CAPN7: variants seen among roughly 807,000 people sequenced by gnomAD.
CAPN7 encodes calpain 7, also known as calpain-7.
In CAPN7, 72 loss-of-function variants were observed where a neutral mutation model predicts 115.2. That is an observed-to-expected ratio of 0.63 (90% CI 0.52 to 0.76). The LOEUF is 0.76. Ranked by LOEUF, CAPN7 falls within the 30% of genes least tolerant of loss-of-function variation. The pLI is 0.00. For synonymous variants in CAPN7, 344 were observed against 322.3 expected (o/e 1.07, Z -0.72); for missense variants, 905 against 971.5 (o/e 0.93, Z 0.91).
At chr3:15,215,010 A>G (rs1007169085) in intron 2 of CAPN7, among the ~76,000 whole-genome samples, 4 of 152,272 alleles carry the variant, frequency 2.6e-5, no homozygotes, top group Non-Finnish European at 5.9e-5. Flanking sequence ...CAAAATGTCA[A>G]TAATGCCAGG....
rs905700021 is a variant in CAPN7, at chr3:15,248,045, G to A, written c.2204+588G>A. On this transcript the variant is annotated intron_variant, in intron 19 of 20. Coordinates refer to ENST00000253693, the MANE Select transcript of CAPN7 (RefSeq NM_014296.3). ...TGTTGTGGGGTGAGGGGAGGGGAGA[G>A]GGATAGCACTGGGAGATATACCTAA... Among the ~76,000 whole-genome samples the A allele has an allele frequency of 7.9e-5, 12 of 151,928 alleles. No homozygotes were observed. The East Asian group carries it at 1.3e-3, about 17-fold the overall frequency.
At position 15,212,139 on chromosome 3, in the gene CAPN7, A is replaced by C; in HGVS notation, c.138A>C (p.Ala46=). 6.2e-7 allele frequency: 1 copy of C among 1,611,112 alleles called. No homozygotes were observed. Among genetic ancestry groups the C allele is most frequent in the South Asian group, 1.1e-5 (1 of 90,606 alleles). ...AAQALIYAEM[A]GSSLENIQEK... ...AAGCCTTAATTTATGCTGAGATGGC[A>C]GGATCAAGCCTAGAAAATATTCAAG... The change falls in exon 2 of 21, where the codon GCA becomes GCC. Residue 46 remains alanine, a synonymous_variant. Transcript: ENST00000253693.
chr3:15,220,206 A>T (rs894403988), intron 4 of CAPN7, among the ~76,000 whole-genome samples: 8 of 152,136 alleles, frequency 5.3e-5, no homozygotes, highest in Middle Eastern at 3.2e-3. Context: ...TCTCAAAAAA[A>T]AAAATAAAAA....
Position 15,227,109 on chromosome 3 carries a change from T to TAA in CAPN7, c.726-713_726-712dup, listed in dbSNP as rs61571165. 4.5e-3 allele frequency among the ~76,000 whole-genome samples: 581 copies of TAA among 128,292 alleles called. 3 individuals carry two copies. Among genetic ancestry groups the TAA allele is most frequent in the African/African-American group, 0.015 (534 of 35,684 alleles). 84.2% of individuals were successfully genotyped at this position (128,292 alleles called of 152,430 possible). ...GGCAACATATGGAGACCTCAACTGT[T>TAA]AAAAAAAAAAAAAAAAAAGTTTAGG... On this transcript the variant is annotated intron_variant, in intron 6 of 20. Transcript: ENST00000253693.
intron 12 of CAPN7, among the ~76,000 whole-genome samples, chr3:15,236,805 A>G (rs1036694663): frequency 6.6e-6 from 1 of 152,210 alleles, no homozygotes; most frequent in Non-Finnish European, 1.5e-5. Context: ...ACAGTATAAA[A>G]GATTTTGTTA....
At position 15,217,571 on chromosome 3, in the gene CAPN7, T is replaced by G; in HGVS notation, c.358T>G (p.Cys120Gly). ...IELYTEAVDL[C>G]LKTSYETADK... Reference sequence around the variant, plus strand: ...ATTGTACACAGAAGCTGTGGATCTCTGTCTGAAAACAGTGTGTATAGCTAC... The same window carrying G: ...ATTGTACACAGAAGCTGTGGATCTCGGTCTGAAAACAGTGTGTATAGCTAC... The change falls in exon 3 of 21, where the codon TGT becomes GGT. Residue 120 changes from cysteine (C) to glycine (G), a missense_variant. By Grantham distance (159) the Cys-to-Gly change is radical. Around this residue, in one of 3 missense-constraint regions of CAPN7, gnomAD observed 271 missense variants for 239.6 expected, o/e 1.13. Coordinates refer to ENST00000253693, the MANE Select transcript of CAPN7 (RefSeq NM_014296.3). 6.2e-7 allele frequency: 1 copy of G among 1,612,318 alleles called. No homozygotes were observed. The highest frequency in any genetic ancestry group is 1.1e-5 in the South Asian group (1 of 90,724).
At chr3:15,218,605 T>C (rs983230537) in intron 4 of CAPN7, 65 bp downstream of exon 4, 3 of 1,155,602 alleles carry the variant, frequency 2.6e-6, no homozygotes, top group Admixed American at 1.9e-5. Flanking sequence ...CAAATTTATC[T>C]AAATGTGTTG....
intron 1 of CAPN7, among the ~76,000 whole-genome samples, chr3:15,211,216 T>C (rs929968685): frequency 6.6e-6 from 1 of 152,234 alleles, no homozygotes; most frequent in African/African-American, 2.4e-5. Context: ...CTGTAATCTT[T>C]TCTTGATAAT....
In CAPN7 at chr3:15,217,465, G is replaced by A. The variant is rs1044927204; in HGVS notation, c.252G>A (p.Gln84=). Residue 84 remains glutamine (Q), a synonymous_variant, in exon 3 of 21, where the codon CAG becomes CAA. Coordinates refer to ENST00000253693, the MANE Select transcript of CAPN7 (RefSeq NM_014296.3). ...KSADPLKSKH[Q]LDLERAHFLV... ...CTGATCCTTTGAAGTCAAAACATCA[G>A]TTGGACTTAGAGCGTGCTCATTTCC... 6.8e-6 allele frequency: 11 copies of A among 1,613,436 alleles called. No homozygotes were observed. Among genetic ancestry groups the A allele is most frequent in the Admixed American group, 1.7e-5 (1 of 59,956 alleles).
intron 6 of CAPN7, 144 bp from the exon 7 acceptor site, chr3:15,227,695 A>G (rs904104704): frequency 7.3e-6 from 3 of 409,814 alleles, no homozygotes; most frequent in Admixed American, 4.5e-5. Flanking sequence ...ATAAAGAGCC[A>G]GATTTGACCA....
In CAPN7 at chr3:15,250,993, G is replaced by A. The variant is rs1472762517; in HGVS notation, c.2267G>A (p.Gly756Asp). The A allele has an allele frequency of 6.2e-7, 1 of 1,613,290 alleles. No individual in the cohort carries two copies. Among genetic ancestry groups the A allele is most frequent in the East Asian group, 2.2e-5 (1 of 44,844 alleles). ...ACTCTAGGAGATCCTGGTCCCCATG[G>A]CTTTCTGAGGAAATCTAGTGGTGAC... is the stretch of plus-strand genomic sequence containing the variant. ...VSTLGDPGPH[G>D]FLRKSSGDYR... The change falls in exon 20 of 21, where the codon GGC becomes GAC. Residue 756 changes from glycine (G) to aspartate (D), a missense_variant. Around this residue, in one of 3 missense-constraint regions of CAPN7, gnomAD observed 620 missense variants for 703.4 expected, o/e 0.88. Coordinates refer to ENST00000253693, the MANE Select transcript of CAPN7 (RefSeq NM_014296.3).
At chr3:15,244,894 T>C (rs1190753967) in intron 16 of CAPN7, among the ~76,000 whole-genome samples, 1 of 152,158 alleles carries the variant, frequency 6.6e-6, no homozygotes, top group Admixed American at 6.5e-5. Context: ...ATAGCTCTTT[T>C]TAAAATGTTG....
At chr3:15,206,712 C>T (rs1312306436) in intron 1 of CAPN7, 115 bp downstream of exon 1, 5 of 723,346 alleles carry the variant, frequency 6.9e-6, no homozygotes, top group South Asian at 1.9e-5. Flanking sequence ...TTGCTTTTCC[C>T]TCGTCCGCCT....
chr3:15,247,765 G>C (rs922204862), intron 19 of CAPN7, among the ~76,000 whole-genome samples: 11 of 147,432 alleles, frequency 7.5e-5, no homozygotes, highest in Non-Finnish European at 2.9e-5. Flanking sequence ...CTCAAGAGAG[G>C]AAAGATTTCT....
chr3:15,241,360 C>T (rs192759220), intron 14 of CAPN7, 93 bp from the exon 15 acceptor site: 14 of 1,324,698 alleles, frequency 1.1e-5, no homozygotes, highest in Non-Finnish European at 1.5e-5. Context: ...AAACCAAAAA[C>T]TTGGATAGCT....
At chr3:15,230,270 G>A (rs1234646570) in intron 8 of CAPN7, among the ~76,000 whole-genome samples, 172 bp from the exon 9 acceptor site, 2 of 152,098 alleles carry the variant, frequency 1.3e-5, no homozygotes, top group African/African-American at 4.8e-5. Flanking sequence ...TAGTAAATAA[G>A]CACTTTGATT....
intron 5 of CAPN7, among the ~76,000 whole-genome samples, 160 bp from the exon 6 acceptor site, chr3:15,223,315 A>G (rs3732729): frequency 0.42 from 63,225 of 152,092 alleles, 17,404 homozygotes; most frequent in African/African-American, 0.78. Context: ...ATTTTCAATT[A>G]TTTTATGAAA....
chr3:15,220,665 A>T (rs1252013187), intron 4 of CAPN7, 116 bp from the exon 5 acceptor site: 1 of 785,294 alleles, frequency 1.3e-6, no homozygotes, highest in Admixed American at 2.7e-5. Flanking sequence ...TAAGAATTTT[A>T]TATACTAATT....
rs1451169622 is a variant in CAPN7, at chr3:15,235,153, C to T, written c.1407+8C>T. 1 of 1,578,374 alleles carries T rather than the reference C, an allele frequency of 6.3e-7. No individual in the cohort carries two copies. Reference sequence around the variant, plus strand: ...GATATTAGAGAGTTCAAGGTTTTGCCTTAAATCTTTTTCTTTTATTTTTCT... The same window carrying T: ...GATATTAGAGAGTTCAAGGTTTTGCTTTAAATCTTTTTCTTTTATTTTTCT... On this transcript the variant is annotated splice_region_variant and intron_variant, in intron 12 of 20. Coordinates refer to ENST00000253693, the MANE Select transcript of CAPN7 (RefSeq NM_014296.3).
Sources: allele counts gnomAD v4.1 joint callset (sites outside exome capture counted in the v4.1 genomes callset), GRCh38; gene constraint gnomAD v4.1.1; regional missense constraint gnomAD v4.1.1; transcripts MANE v1.5; gene names NCBI Gene and HGNC (gene_info 2026-07-23, HGNC 2026-07-21).